The following RARB variants were observed in gnomAD, a reference collection of about 807,000 sequenced individuals.
The protein encoded by RARB is retinoic acid receptor beta, also known as HBV-activated protein.
Under a neutral mutation model 51.9 loss-of-function variants are expected in RARB, and 17 were observed. The ratio of observed to expected loss-of-function variants is 0.33; its 90% CI spans 0.22 to 0.49. RARB has a LOEUF of 0.49. RARB is among the 20% of genes least tolerant of loss of function. The pLI is 0.99. For missense variants in RARB, 369 were observed against 550.8 expected (o/e 0.67, Z 3.30); for synonymous variants, 215 against 195.4 (o/e 1.10, Z -0.84).
chr3:25,106,451 G>GGTTTTTTTTTTTTTTTTTTTTTTTTT (rs1575163102), intron 3 of RARB, among the ~76,000 whole-genome samples: 2 of 70,534 alleles, frequency 2.8e-5, no homozygotes, highest in African/African-American at 1.2e-4. Flanking sequence ...ACTGTTTTTT[G>GGTTTTTTTTTTTTTTTTTTTTTTTTT]TTTTTTGTTT....
At chr3:25,161,187 T>A (rs1575188435) in intron 4 of RARB, among the ~76,000 whole-genome samples, 4 of 18,300 alleles carry the variant, frequency 2.2e-4, no homozygotes, top group Non-Finnish European at 4.1e-4. Flanking sequence ...TAATTATTAT[T>A]ATTATTATTA....
chr3:25,251,229 A>G (rs1016208459), intron 5 of RARB, among the ~76,000 whole-genome samples: 1 of 151,978 alleles, frequency 6.6e-6, no homozygotes, highest in African/African-American at 2.4e-5. Flanking sequence ...TTATAATATT[A>G]TATTTTATAG....
In RARB at chr3:25,480,886, C is replaced by T. The variant is rs138361470; in HGVS notation, c.306+19545C>T. Among the ~76,000 whole-genome samples, 83 of 152,224 alleles carry T rather than the reference C, an allele frequency of 5.5e-4. No homozygotes were observed. The East Asian group carries it at 0.016, about 29-fold the overall frequency. On this transcript the variant is annotated intron_variant, in intron 2 of 7. Transcript: ENST00000330688. The stretch of plus-strand genomic sequence containing the variant: ...TACAAGCTTATAATGATGAGAATCA[C>T]CTGGATGGCTTGTCAAAGGATCGAT...
At chr3:24,909,665 C>G (rs116349242) in intron 2 of RARB, among the ~76,000 whole-genome samples, 2,828 of 150,774 alleles carry the variant, frequency 0.019, 92 homozygotes, top group Admixed American at 0.086. Flanking sequence ...GTTAGTCCTT[C>G]TATATGTCAG....
At chr3:25,562,537 G>A (rs767763308) in intron 3 of RARB, among the ~76,000 whole-genome samples, 5 of 152,148 alleles carry the variant, frequency 3.3e-5, no homozygotes, top group Admixed American at 1.3e-4. Flanking sequence ...AAGCACCGCC[G>A]GGTATGAAGG....
chr3:24,865,066 C>T (rs148368722), intron 2 of RARB, among the ~76,000 whole-genome samples: 9 of 152,122 alleles, frequency 5.9e-5, no homozygotes, highest in South Asian at 4.1e-4. Context: ...TCCAGAAATA[C>T]ATGTCTCCCT....
intron 2 of RARB, among the ~76,000 whole-genome samples, chr3:25,041,865 A>C (rs1559444795): frequency 6.6e-6 from 1 of 152,190 alleles, no homozygotes; most frequent in Admixed American, 6.5e-5. Flanking sequence ...AATTAAATTT[A>C]AGTGGAGGTG....
Position 24,899,284 on chromosome 3 carries a change from C to T in RARB, c.-380+40532C>T, listed in dbSNP as rs1028855473. ...CGTACATGAAGCTAGCCCTACCTTC[C>T]GTCATGAAAAGAATAAGTGCTCCAG... On this transcript the variant is annotated intron_variant, in intron 2 of 11. Coordinates refer to the RARB transcript ENST00000383772. Among the ~76,000 whole-genome samples the T allele has an allele frequency of 1.2e-4, 18 of 152,182 alleles. No homozygotes were observed. The South Asian group carries it at 1.7e-3, about 14-fold the overall frequency.
chr3:25,213,750 G>C (rs1249886377), intron 5 of RARB, among the ~76,000 whole-genome samples: 1 of 152,176 alleles, frequency 6.6e-6, no homozygotes, highest in Non-Finnish European at 1.5e-5. Flanking sequence ...GGAGTGCTTA[G>C]CTTTCATTCA....
chr3:25,205,926 A>C (rs1209244688), intron 5 of RARB, among the ~76,000 whole-genome samples: 1 of 152,006 alleles, frequency 6.6e-6, no homozygotes, highest in African/African-American at 2.4e-5. Flanking sequence ...TTTCTTCTAC[A>C]AAAACAACTT....
At position 25,596,854 on chromosome 3, in the gene RARB, A is replaced by G; in HGVS notation, c.*238A>G. 1 of 372,890 alleles carries G rather than the reference A, an allele frequency of 2.7e-6. No individual in the cohort carries two copies. The highest frequency in any genetic ancestry group is 4.8e-6 in the Non-Finnish European group (1 of 207,450). The allele number at this position is 372,890 out of a possible 1,614,324, so 23.1% of individuals were successfully genotyped here. A position where few individuals can be genotyped will look rare whatever the true frequency, so the allele number is the denominator to read the frequency against. On this transcript the variant is annotated 3_prime_UTR_variant, in exon 8 of 8. Transcript: ENST00000330688. ...CATTTCATGCAACCAGAAACTAGTT[A>G]AAAGCTTCTATTTTCCTCTTTGAAC...
At chr3:25,139,071 A>G (rs1238680071) in intron 4 of RARB, among the ~76,000 whole-genome samples, 1 of 152,158 alleles carries the variant, frequency 6.6e-6, no homozygotes, top group Non-Finnish European at 1.5e-5. Context: ...CTTAATTGAT[A>G]AATAGTGTGT....
chr3:25,400,584 A>G (rs1425780569), intron 5 of RARB, among the ~76,000 whole-genome samples: 1 of 152,200 alleles, frequency 6.6e-6, no homozygotes. Context: ...CAAAGAAGAG[A>G]ATAAGAATGG....
chr3:25,298,416 G>A (rs565438719), intron 5 of RARB, among the ~76,000 whole-genome samples: 4 of 152,094 alleles, frequency 2.6e-5, no homozygotes, highest in South Asian at 2.1e-4. Flanking sequence ...TCCTGACCTC[G>A]TGACCCACCT....
intron 4 of RARB, among the ~76,000 whole-genome samples, chr3:25,167,479 T>C (rs1700578609): frequency 6.6e-6 from 1 of 151,990 alleles, no homozygotes; most frequent in Non-Finnish European, 1.5e-5. Context: ...AAGAAGAAGA[T>C]GAAAAGGGGA....
At chr3:24,976,982 T>C (rs564005585) in intron 2 of RARB, among the ~76,000 whole-genome samples, 18 of 152,350 alleles carry the variant, frequency 1.2e-4, no homozygotes, top group Admixed American at 3.3e-4. Context: ...TGCATATGGT[T>C]AGCCAGTTTT....
intron 2 of RARB, among the ~76,000 whole-genome samples, chr3:24,858,919 C>G (rs1000258765): frequency 1.3e-5 from 2 of 151,688 alleles, no homozygotes; most frequent in African/African-American, 2.4e-5. Context: ...TGCCTGTAGT[C>G]CCAGCTACTC....
chr3:25,502,510 C>T (rs1422092151), intron 3 of RARB, among the ~76,000 whole-genome samples: 1 of 152,070 alleles, frequency 6.6e-6, no homozygotes, highest in Non-Finnish European at 1.5e-5. Context: ...GTACTCCTGC[C>T]CCTTCACCTT....
intron 3 of RARB, among the ~76,000 whole-genome samples, chr3:25,076,053 G>A (rs964081810): frequency 1.3e-5 from 2 of 152,068 alleles, no homozygotes; most frequent in Non-Finnish European, 2.9e-5. Context: ...ATCTTTATTA[G>A]GATGAAACAA....
Sources: gnomAD v4.1 joint callset for allele counts (sites outside exome capture counted in the v4.1 genomes callset) on GRCh38, gnomAD v4.1.1 for gene constraint, MANE v1.5 for transcripts, NCBI Gene and HGNC (gene_info 2026-07-23, HGNC 2026-07-21) for gene names.